COMMD1: variants seen among roughly 807,000 people sequenced by gnomAD.
COMMD1 encodes COMM domain-containing protein 1.
A neutral mutation model predicts 17.2 loss-of-function variants in COMMD1; 10 were observed. That is an observed-to-expected ratio of 0.58 (90% confidence interval 0.36 to 0.99). The LOEUF (loss-of-function observed/expected upper bound fraction) is 0.99. COMMD1 is among the 50% of genes least tolerant of loss of function. The pLI is 0.01. For missense variants in COMMD1, 270 were observed against 231.8 expected (o/e 1.17, Z -1.07); for synonymous variants, 97 against 91.6 (o/e 1.06, Z -0.34).
At chr2:62,128,829 G>T (rs1423006556) in intron 2 of COMMD1, among the ~76,000 whole-genome samples, 1 of 152,016 alleles carries the variant, frequency 6.6e-6, no homozygotes, top group African/African-American at 2.4e-5. Flanking sequence ...GCACACGCCT[G>T]TAGTCCCAGC....
At chr2:62,001,136 G>T (rs545356694) in intron 2 of COMMD1, 154 bp downstream of exon 2, 13 of 777,728 alleles carry the variant, frequency 1.7e-5, no homozygotes, top group South Asian at 3.3e-5. Flanking sequence ...TGAAAATTTG[G>T]ATACTCTCAC....
At chr2:62,122,475 A>G (rs1672777231) in intron 2 of COMMD1, among the ~76,000 whole-genome samples, 1 of 150,760 alleles carries the variant, frequency 6.6e-6, no homozygotes, top group African/African-American at 2.4e-5. Flanking sequence ...GTAGTGAAAC[A>G]AAGATTGGTG....
intron 1 of COMMD1, among the ~76,000 whole-genome samples, chr2:61,900,051 G>A (rs1171644920): frequency 6.6e-6 from 1 of 152,190 alleles, no homozygotes; most frequent in East Asian, 1.9e-4. Flanking sequence ...GGAGTTCTTA[G>A]TCATGTTAAA....
chr2:62,083,035 A>G (rs1393439087), intron 2 of COMMD1, among the ~76,000 whole-genome samples: 1 of 152,130 alleles, frequency 6.6e-6, no homozygotes, highest in Non-Finnish European at 1.5e-5. Flanking sequence ...GAGGCAGGAA[A>G]ATGGCTTGAG....
intron 2 of COMMD1, among the ~76,000 whole-genome samples, chr2:62,112,501 T>C (rs1242689356): frequency 6.6e-6 from 1 of 152,224 alleles, no homozygotes; most frequent in Non-Finnish European, 1.5e-5. Flanking sequence ...ACAGAGCTGG[T>C]AGTTAAAATG....
At chr2:61,899,160 A>T (rs1669609152) in intron 1 of COMMD1, among the ~76,000 whole-genome samples, 1 of 151,948 alleles carries the variant, frequency 6.6e-6, no homozygotes. Flanking sequence ...AAGACACATT[A>T]AAAAAAATAG....
At chr2:61,942,544 T>A (rs1479060972) in intron 1 of COMMD1, among the ~76,000 whole-genome samples, 1 of 142,620 alleles carries the variant, frequency 7.0e-6, no homozygotes, top group Non-Finnish European at 1.5e-5. Context: ...CCTGGCCTTT[T>A]TTTTTTTTTT....
chr2:61,892,702 A>G (rs1390156893), intron 1 of COMMD1, among the ~76,000 whole-genome samples: 1 of 150,816 alleles, frequency 6.6e-6, no homozygotes, highest in Non-Finnish European at 1.5e-5. Context: ...CTCAAAAAAA[A>G]AAAAAAGAAA....
At chr2:62,066,703 A>C (rs960800494) in intron 2 of COMMD1, among the ~76,000 whole-genome samples, 5 of 149,090 alleles carry the variant, frequency 3.4e-5, no homozygotes, top group African/African-American at 1.2e-4. Context: ...GCCTGGCCTA[A>C]AGCAAGATCA....
At chr2:61,891,737 C>G (rs1185519904) in intron 1 of COMMD1, among the ~76,000 whole-genome samples, 1 of 151,666 alleles carries the variant, frequency 6.6e-6, no homozygotes, top group Non-Finnish European at 1.5e-5. Flanking sequence ...CAAAACAAAA[C>G]AAAAACATAA....
chr2:62,001,740 A>G (rs916249142), intron 2 of COMMD1, among the ~76,000 whole-genome samples: 2 of 152,354 alleles, frequency 1.3e-5, no homozygotes, highest in East Asian at 1.9e-4. Context: ...ATATCCTACA[A>G]TAGAAATTTA....
chr2:61,999,668 G>A (rs560050908), intron 1 of COMMD1, among the ~76,000 whole-genome samples: 1 of 151,936 alleles, frequency 6.6e-6, no homozygotes, highest in Non-Finnish European at 1.5e-5. Flanking sequence ...GGCTCCAGCT[G>A]TCCTCCTGCC....
At chr2:61,891,152 A>G (rs1669419845) in intron 1 of COMMD1, among the ~76,000 whole-genome samples, 1 of 152,186 alleles carries the variant, frequency 6.6e-6, no homozygotes, top group African/African-American at 2.4e-5. Context: ...GATGATCTCT[A>G]GGGGCTTACT....
chr2:62,000,411 ACTGAGATTG>A (rs1396508724), intron 1 of COMMD1, among the ~76,000 whole-genome samples: 5 of 151,454 alleles, frequency 3.3e-5, no homozygotes, highest in African/African-American at 1.2e-4. Flanking sequence ...AGCTGAGATT[ACTGAGATTG>A]CTGTTATTGC....
chr2:61,938,393 C>T (rs561371493), intron 1 of COMMD1, among the ~76,000 whole-genome samples: 20 of 152,092 alleles, frequency 1.3e-4, no homozygotes, highest in Admixed American at 5.2e-4. Context: ...TGCGTGTGTT[C>T]AGTTCCAAAG....
intron 2 of COMMD1, among the ~76,000 whole-genome samples, chr2:62,091,654 C>A (rs2103999079): frequency 6.6e-6 from 1 of 152,224 alleles, no homozygotes; most frequent in Non-Finnish European, 1.5e-5. Flanking sequence ...ATAAATAGTT[C>A]TTTAAGGGCA....
rs561645902 is a variant in COMMD1, at chr2:62,045,209, C to T, written c.462+44227C>T. 1.7e-4 allele frequency among the ~76,000 whole-genome samples: 26 copies of T among 152,092 alleles called. No homozygotes were observed. In the South Asian group the frequency reaches 2.1e-3, roughly 12 times the overall value. On this transcript the variant is annotated intron_variant, in intron 2 of 2. Transcript: ENST00000311832. The stretch of plus-strand genomic sequence containing the variant: ...CAGGGGTGTGGAAAAACTGTCCTTA[C>T]GTGCTGAGTCTGTCTCTGGTGGAGC...
chr2:62,114,771 G>A (rs1348772040), intron 2 of COMMD1, among the ~76,000 whole-genome samples: 2 of 152,146 alleles, frequency 1.3e-5, no homozygotes, highest in African/African-American at 4.8e-5. Context: ...ACTTGACTCT[G>A]GTGCCTCTGG....
chr2:62,132,360 C>T (rs1166759178), intron 2 of COMMD1, among the ~76,000 whole-genome samples: 2 of 152,182 alleles, frequency 1.3e-5, no homozygotes, highest in Non-Finnish European at 2.9e-5. Context: ...CTCAGTTGCT[C>T]CTATCTCTAT....
Sources: allele counts gnomAD v4.1 joint callset (sites outside exome capture counted in the v4.1 genomes callset), GRCh38; gene constraint gnomAD v4.1.1; transcripts MANE v1.5; gene names NCBI Gene and HGNC (gene_info 2026-07-23, HGNC 2026-07-21).